ORC3: variants seen among roughly 807,000 people sequenced by gnomAD.
ORC3 encodes the protein homolog of latheo, Drosophila.
ORC3 carries 78 observed loss-of-function variants against 100.7 expected under a neutral mutation model. The ratio of observed to expected loss-of-function variants is 0.77; its 90% CI spans 0.65 to 0.94. The LOEUF (loss-of-function observed/expected upper bound fraction) is 0.94, where lower values mean the gene tolerates loss of function less well. ORC3 is among the 40% of genes least tolerant of loss of function. The pLI, the probability that ORC3 is intolerant of heterozygous loss-of-function variation, is 0.00. For missense variants in ORC3, 789 were observed against 823.9 expected, an observed-to-expected ratio of 0.96 and a Z score of 0.52; for synonymous variants, 295 against 289.3, an observed-to-expected ratio of 1.02 and a Z score of -0.20.
At chr6:87,600,759 C>CA (rs1414879739) in intron 2 of ORC3, among the ~76,000 whole-genome samples, 1 of 151,848 alleles carries the variant, frequency 6.6e-6, no homozygotes, top group Admixed American at 6.6e-5. Context: ...AACCAAATGT[C>CA]ATAATTTATG....
chr6:87,637,893 A>G (rs143582610), intron 13 of ORC3, among the ~76,000 whole-genome samples: 48 of 152,286 alleles, frequency 3.2e-4, no homozygotes, highest in South Asian at 6.2e-4. Context: ...ACATTTTCCA[A>G]TCTAAAACTC....
At chr6:87,635,404 A>G (rs1489351529) in intron 12 of ORC3, among the ~76,000 whole-genome samples, 1 of 152,196 alleles carries the variant, frequency 6.6e-6, no homozygotes, top group African/African-American at 2.4e-5. Flanking sequence ...GTTATTCGAT[A>G]AACCTATCAA....
intron 9 of ORC3, 128 bp downstream of exon 9, chr6:87,616,555 T>G: frequency 4.0e-6 from 2 of 495,010 alleles, no homozygotes; most frequent in Non-Finnish European, 7.5e-6. Context: ...TCCAGTTATT[T>G]TATTCTAGGT....
chr6:87,660,997 A>T (rs1328221706), intron 16 of ORC3, among the ~76,000 whole-genome samples: 1 of 152,236 alleles, frequency 6.6e-6, no homozygotes, highest in Non-Finnish European at 1.5e-5. Flanking sequence ...TTCTTTGAGG[A>T]TATCTAGAGA....
downstream of ORC3, among the ~76,000 whole-genome samples, chr6:87,670,583 A>G (rs1397127378): frequency 1.3e-5 from 2 of 152,242 alleles, no homozygotes; most frequent in Admixed American, 6.5e-5. Flanking sequence ...ATGAAATGCC[A>G]GTTCAATTCT....
At chr6:87,663,293 G>A in intron 17 of ORC3, 149 bp downstream of exon 17, 1 of 579,128 alleles carries the variant, frequency 1.7e-6, no homozygotes, top group Non-Finnish European at 2.9e-6. Context: ...AAATTCTTTA[G>A]ACTGTAGAAA....
chr6:87,598,239 G>A (rs955136312), intron 2 of ORC3, among the ~76,000 whole-genome samples: 2 of 151,326 alleles, frequency 1.3e-5, no homozygotes, highest in African/African-American at 4.9e-5. Context: ...GTCCAGGCTG[G>A]TCTCAAATCC....
intron 9 of ORC3, among the ~76,000 whole-genome samples, chr6:87,617,997 A>G (rs1779278612): frequency 6.6e-6 from 1 of 152,226 alleles, no homozygotes; most frequent in African/African-American, 2.4e-5. Flanking sequence ...ATTAAATGAT[A>G]TTAAGATTAA....
At chr6:87,613,433 A>C (rs1778925308) in intron 8 of ORC3, among the ~76,000 whole-genome samples, 1 of 152,174 alleles carries the variant, frequency 6.6e-6, no homozygotes, top group Non-Finnish European at 1.5e-5. Flanking sequence ...AAACCATATC[A>C]TTCTGCCCCT....
At chr6:87,602,841 C>T (rs1215584827) in intron 3 of ORC3, among the ~76,000 whole-genome samples, 1 of 149,742 alleles carries the variant, frequency 6.7e-6, no homozygotes, top group Non-Finnish European at 1.5e-5. Flanking sequence ...TACTTCACAT[C>T]CCTTCAGTGG....
At chr6:87,616,511 G>A (rs1471050926) in intron 9 of ORC3, 84 bp downstream of exon 9, 2 of 582,716 alleles carry the variant, frequency 3.4e-6, no homozygotes, top group East Asian at 2.9e-5. Context: ...AGTGTGATAG[G>A]CATTTTAAAT....
intron 2 of ORC3, chr6:87,595,377 A>G (rs1777355715): frequency 2.0e-5 from 3 of 152,216 alleles, no homozygotes; most frequent in Admixed American, 2.0e-4. Flanking sequence ...CTAAGAGCTA[A>G]CATGTAGTGC....
the ORC3 span, chr6:87,676,027 T>C: frequency 5.8e-6 from 6 of 1,031,524 alleles, no homozygotes; most frequent in African/African-American, 3.2e-5. Context: ...CAATTCTAAG[T>C]TGACAAAATC....
chr6:87,624,281 C>T (rs898902233), intron 11 of ORC3, among the ~76,000 whole-genome samples: 5 of 152,042 alleles, frequency 3.3e-5, no homozygotes, highest in African/African-American at 1.2e-4. Flanking sequence ...GTCAGGAGTT[C>T]AAGACCAGCC....
intron 9 of ORC3, among the ~76,000 whole-genome samples, chr6:87,620,749 C>G (rs1418623352): frequency 6.6e-6 from 1 of 152,078 alleles, no homozygotes; most frequent in African/African-American, 2.4e-5. Flanking sequence ...TATGTTGATT[C>G]TAAGCAAACT....
At chr6:87,675,456 C>T in the ORC3 span, 1 of 1,197,934 alleles carries the variant, frequency 8.3e-7, no homozygotes, top group Non-Finnish European at 1.2e-6. Flanking sequence ...TTGCTGCTGC[C>T]TAAGAGTGGT....
intron 8 of ORC3, among the ~76,000 whole-genome samples, chr6:87,613,336 A>G (rs182993121): frequency 3.9e-4 from 59 of 152,278 alleles, no homozygotes; most frequent in Non-Finnish European, 7.8e-4. Context: ...CACAGGAAAG[A>G]CTTGCTCCCA....
intron 19 of ORC3, among the ~76,000 whole-genome samples, chr6:87,666,124 G>GT (rs915729808): frequency 3.3e-5 from 5 of 151,622 alleles, no homozygotes; most frequent in Non-Finnish European, 5.9e-5. Context: ...TTTGGTTTTT[G>GT]TTTTTTTTGT....
chr6:87,602,885 TG>T (rs1778011147), intron 3 of ORC3, among the ~76,000 whole-genome samples: 1 of 120,980 alleles, frequency 8.3e-6, no homozygotes, highest in Non-Finnish European at 1.7e-5. Flanking sequence ...AACCCTTTAA[TG>T]TCATATATCA....
Sources: allele counts gnomAD v4.1 joint callset (sites outside exome capture counted in the v4.1 genomes callset), GRCh38; gene constraint gnomAD v4.1.1; transcripts MANE v1.5; gene names NCBI Gene and HGNC (gene_info 2026-07-23, HGNC 2026-07-21).